ANKRD12: variants seen among roughly 807,000 people sequenced by gnomAD.
The protein encoded by ANKRD12 is ankyrin repeat domain 12.
Under a neutral mutation model 183.4 loss-of-function variants are expected in ANKRD12, and 85 were observed. That is an observed-to-expected ratio of 0.46 (90% CI 0.39 to 0.56). ANKRD12 has a LOEUF of 0.56. ANKRD12 is among the 20% of genes least tolerant of loss of function. The pLI, the probability that ANKRD12 is intolerant of heterozygous loss-of-function variation, is 0.00. For synonymous variants in ANKRD12, 914 were observed against 800.2 expected (o/e 1.14, Z -2.40); for missense variants, 2,405 against 2,357.1 (o/e 1.02, Z -0.42).
chr18:9,274,683 AAT>A (rs1045972506), intron 10 of ANKRD12, among the ~76,000 whole-genome samples: 1 of 152,180 alleles, frequency 6.6e-6, no homozygotes, highest in African/African-American at 2.4e-5. Flanking sequence ...TACTTGGAAA[AAT>A]AATTTAAAAA....
In ANKRD12 at chr18:9,282,638, T is replaced by G. The variant is rs572170728; in HGVS notation, c.*1512T>G. 1 of 152,708 alleles carries G rather than the reference T, an allele frequency of 6.5e-6. No individual in the cohort carries two copies. The highest frequency in any genetic ancestry group is 2.1e-4 in the South Asian group (1 of 4,820). The allele number at this position is 152,708 out of a possible 1,614,324, so 9.5% of individuals were successfully genotyped here. A position where few individuals can be genotyped will look rare whatever the true frequency, so the allele number is the denominator to read the frequency against. On this transcript the variant is annotated 3_prime_UTR_variant, in exon 13 of 13. Coordinates refer to ENST00000262126, the MANE Select transcript of ANKRD12 (RefSeq NM_015208.5). ...AAATTTGCAAAACTTTCCACAGTAC[T>G]TTCTTGAATTATAATACTGAATGTT...
chr18:9,219,149 T>C lies in ANKRD12; in HGVS notation c.795+2249T>C, dbSNP rs549833767. On this transcript the variant is annotated intron_variant, in intron 7 of 12. Transcript: ENST00000262126. ...TATTTGATTTAGGGTGTTTGTAATATGTGAATGAACCAGCTGTACCTGATT... is the reference window on the plus strand; with the variant it reads ...TATTTGATTTAGGGTGTTTGTAATACGTGAATGAACCAGCTGTACCTGATT... Among the ~76,000 whole-genome samples the C allele has an allele frequency of 5.3e-5, 8 of 152,338 alleles. No individual in the cohort carries two copies. The South Asian group carries it at 8.3e-4, about 16-fold the overall frequency.
In ANKRD12 at chr18:9,182,042, C is replaced by T. The variant is rs562984848; in HGVS notation, c.-51-340C>T. Among the ~76,000 whole-genome samples, 3 of 152,196 alleles carry T rather than the reference C, an allele frequency of 2.0e-5. No individual in the cohort carries two copies. The South Asian group carries it at 6.2e-4, about 32-fold the overall frequency. On this transcript the variant is annotated intron_variant, in intron 1 of 12. Coordinates refer to ENST00000262126, the MANE Select transcript of ANKRD12 (RefSeq NM_015208.5). Reference sequence around the variant, plus strand: ...GGGTCTTCAGAAATGACTTCCAAACCAACACAAAACTACAAGGGCATCGAT... The same window carrying T: ...GGGTCTTCAGAAATGACTTCCAAACTAACACAAAACTACAAGGGCATCGAT...
At chr18:9,265,293 A>G (rs7235358) in intron 10 of ANKRD12, among the ~76,000 whole-genome samples, 11,221 of 152,250 alleles carry the variant, frequency 0.074, 429 homozygotes, top group African/African-American at 0.083. Flanking sequence ...CTCCCAGCAC[A>G]CAGCTGGAGA....
chr18:9,264,119 A>T (rs980260290), intron 10 of ANKRD12, among the ~76,000 whole-genome samples: 7 of 152,208 alleles, frequency 4.6e-5, no homozygotes, highest in African/African-American at 1.7e-4. Flanking sequence ...AGTCTCTAAT[A>T]ACTTCTTGTT....
intron 1 of ANKRD12, among the ~76,000 whole-genome samples, chr18:9,138,493 A>G (rs1308226684): frequency 3.9e-5 from 6 of 152,352 alleles, no homozygotes; most frequent in East Asian, 1.9e-4. Context: ...AGCCTGGGCC[A>G]CAAGAGCGAA....
chr18:9,254,027 T>C (rs1183249018), intron 8 of ANKRD12, among the ~76,000 whole-genome samples, 184 bp from the exon 9 acceptor site: 1 of 152,222 alleles, frequency 6.6e-6, no homozygotes, highest in East Asian at 1.9e-4. Context: ...AGAAAAGCTG[T>C]TCTACAACAC....
chr18:9,235,422 A>C lies in ANKRD12; in HGVS notation c.943+13423A>C, dbSNP rs2037288136. ...AATTTCATCATAGGTAAAGAGAAGT[A>C]TCTTTATAATATTAATCCAGCTAAA... On this transcript the variant is annotated intron_variant, in intron 8 of 12. Coordinates refer to ENST00000262126, the MANE Select transcript of ANKRD12 (RefSeq NM_015208.5). Among the ~76,000 whole-genome samples the C allele has an allele frequency of 2.0e-5, 3 of 152,240 alleles. No individual in the cohort carries two copies. The South Asian group carries it at 6.2e-4, about 31-fold the overall frequency.
At chr18:9,276,245 TAAAC>T (rs201533180) in intron 11 of ANKRD12, among the ~76,000 whole-genome samples, 1,966 of 152,286 alleles carry the variant, frequency 0.013, 32 homozygotes, top group African/African-American at 0.045. Context: ...ATTTTTATAA[TAAAC>T]AGTGAAGGAT....
intron 1 of ANKRD12, among the ~76,000 whole-genome samples, chr18:9,148,827 T>C (rs1216543014): frequency 6.6e-6 from 1 of 152,180 alleles, no homozygotes; most frequent in Non-Finnish European, 1.5e-5. Context: ...TCACTACTTT[T>C]TTAGAAGCCT....
chr18:9,205,361 CAGCA>C (rs1284382583), intron 4 of ANKRD12, among the ~76,000 whole-genome samples: 77 of 151,994 alleles, frequency 5.1e-4, no homozygotes, highest in Non-Finnish European at 5.6e-4. Flanking sequence ...GTCTAGTTTT[CAGCA>C]TATGACATTT....
Position 9,254,521 on chromosome 18 carries a change from ATC to A in ANKRD12, c.1256_1257del (p.Ser419Ter). On this transcript the variant is annotated frameshift_variant, in exon 9 of 13. Transcript: ENST00000262126. LOFTEE classifies it high-confidence loss of function. ...CATTTAAAAGTAAAAAACAAAAGCC[ATC>A]TAGGGTCTTATATTCAAGTACTGAA... ...KSFKSKKQKP[S>X]RVLYSSTESS... The A allele has an allele frequency of 6.5e-7, 1 of 1,549,310 alleles. No individual in the cohort carries two copies. The highest frequency in any genetic ancestry group is 8.7e-7 in the Non-Finnish European group (1 of 1,153,752).
At chr18:9,159,350 C>T (rs1483554266) in intron 1 of ANKRD12, among the ~76,000 whole-genome samples, 1 of 152,218 alleles carries the variant, frequency 6.6e-6, no homozygotes, top group Non-Finnish European at 1.5e-5. Flanking sequence ...ATTCTAGCCA[C>T]CTTCTGACTT....
At position 9,262,264 on chromosome 18, in the gene ANKRD12, G is replaced by A. The variant is rs370948020; in HGVS notation, c.5665-1526G>A. Among the ~76,000 whole-genome samples the A allele has an allele frequency of 2.8e-4, 42 of 152,264 alleles. No homozygotes were observed. In the South Asian group the frequency reaches 8.1e-3, roughly 29 times the overall value. On this transcript the variant is annotated intron_variant, in intron 9 of 12. Transcript: ENST00000262126. ...ATACCTGGTTGTCCTACTTTCATGT[G>A]GAATTGACTGTTAAACCAGAAGTGT...
rs2040120846 is a variant in ANKRD12, at chr18:9,282,025, G to T, written c.*899G>T. On this transcript the variant is annotated 3_prime_UTR_variant, in exon 13 of 13. Coordinates refer to ENST00000262126, the MANE Select transcript of ANKRD12 (RefSeq NM_015208.5). ...TATTATTTAGACTTAGTCATACAAA[G>T]AAACTTAGCTCTTTTTTCATCTCAC... The T allele has an allele frequency of 6.6e-6, 1 of 152,514 alleles. No individual in the cohort carries two copies. The highest frequency in any genetic ancestry group is 1.5e-5 in the Non-Finnish European group (1 of 67,982). The allele number at this position is 152,514 out of a possible 1,614,324, so 9.4% of individuals were successfully genotyped here. A position where few individuals can be genotyped will look rare whatever the true frequency, so the allele number is the denominator to read the frequency against.
intron 12 of ANKRD12, among the ~76,000 whole-genome samples, chr18:9,280,139 A>G (rs1178170867): frequency 3.3e-5 from 5 of 152,040 alleles, no homozygotes; most frequent in East Asian, 1.9e-4. Context: ...GTGGAAGACA[A>G]TTTTTCCATG....
chr18:9,151,054 G>A (rs1225129034), intron 1 of ANKRD12, among the ~76,000 whole-genome samples: 1 of 152,156 alleles, frequency 6.6e-6, no homozygotes, highest in African/African-American at 2.4e-5. Context: ...AGAAAACATT[G>A]TGGTGAAAAT....
Position 9,195,600 on chromosome 18 carries a change from G to T in ANKRD12, c.137G>T (p.Ser46Ile). Residue 46 changes from serine (S) to isoleucine (I), a missense_variant, in exon 3 of 13, where the codon AGT becomes ATT. Ser to Ile is a moderately radical substitution (Grantham distance 142). This residue lies in a region of ANKRD12 where 145 missense variants were observed against 145.6 expected (regional missense o/e 1.00). Transcript: ENST00000262126. Reference sequence around the variant, plus strand: ...AGCAAAACTCCAAAAATTGAACGAAGTGATGTGAGCAAGGAGATGAAAGAG... The same window carrying T: ...AGCAAAACTCCAAAAATTGAACGAATTGATGTGAGCAAGGAGATGAAAGAG... ...SYSKTPKIERSDVSKEMKEKS... is the reference protein window; with the variant it reads ...SYSKTPKIERIDVSKEMKEKS... 1.2e-6 allele frequency: 2 copies of T among 1,611,762 alleles called. No homozygotes were observed. Among genetic ancestry groups the T allele is most frequent in the Non-Finnish European group, 1.7e-6 (2 of 1,179,018 alleles).
chr18:9,149,365 T>C (rs2078602074), intron 1 of ANKRD12, among the ~76,000 whole-genome samples: 1 of 152,218 alleles, frequency 6.6e-6, no homozygotes. Flanking sequence ...ACTTAATTCA[T>C]TTTTCTTGAC....
Sources: allele counts gnomAD v4.1 joint callset (sites outside exome capture counted in the v4.1 genomes callset), GRCh38; gene constraint gnomAD v4.1.1; regional missense constraint gnomAD v4.1.1; transcripts MANE v1.5; gene names NCBI Gene and HGNC (gene_info 2026-07-23, HGNC 2026-07-21).